Variants in REV3L observed in about 807,000 individuals in gnomAD.
REV3L encodes REV3 like, DNA directed polymerase zeta catalytic subunit.
REV3L carries 69 observed loss-of-function variants against 299.4 expected under a neutral mutation model. The ratio of observed to expected loss-of-function variants is 0.23; its 90% CI spans 0.19 to 0.28. The LOEUF is 0.28. Among genes scored for constraint, REV3L ranks in the 10% least tolerant of loss-of-function variants. The pLI is 1.00. For synonymous variants in REV3L, 1,238 were observed against 1,271.4 expected (o/e 0.97, Z 0.56); for missense variants, 3,128 against 3,693.8 (o/e 0.85, Z 3.97).
chr6:111,389,016 A>T (rs899112454), intron 7 of REV3L, 90 bp downstream of exon 7: 5 of 934,368 alleles, frequency 5.4e-6, no homozygotes, highest in Non-Finnish European at 8.4e-6. Flanking sequence ...TGAAAAGTAA[A>T]ATCTAATGTC....
upstream of REV3L, chr6:111,483,516 G>A (rs1450696311): frequency 3.8e-6 from 2 of 528,830 alleles, no homozygotes; most frequent in Admixed American, 2.4e-5. Flanking sequence ...GGCTCCGAGG[G>A]GCTTGCGGGA....
chr6:111,352,109 C>T lies in REV3L; in HGVS notation c.7185-318G>A, dbSNP rs150197326. 9.9e-5 allele frequency among the ~76,000 whole-genome samples: 15 copies of T among 151,878 alleles called. No individual in the cohort carries two copies. In the East Asian group the frequency reaches 2.9e-3, roughly 29 times the overall value. ...GCAACCTCTGCTTCCCAGGTTCAAA[C>T]GATTCTCCTGCCTCAGCCTCCTGAG... On this transcript the variant is annotated intron_variant, in intron 18 of 31. Transcript: ENST00000368802.
rs17751771 is a variant in REV3L, at chr6:111,474,231, C to A, written c.139+8519G>T. 9.8e-3 allele frequency among the ~76,000 whole-genome samples: 1,499 copies of A among 152,296 alleles called. 14 individuals carry two copies. The highest frequency in any genetic ancestry group is 0.017 in the Non-Finnish European group (1,137 of 68,036). On this transcript the variant is annotated intron_variant, in intron 1 of 31. Coordinates refer to ENST00000368802, the MANE Select transcript of REV3L (RefSeq NM_001372078.1). ...TTTATTTCTGACAAACATACATGCA[C>A]TATTAGGCAGTCACCTTGCAGAGCA... is the stretch of plus-strand genomic sequence containing the variant.
intron 1 of REV3L, among the ~76,000 whole-genome samples, chr6:111,469,470 T>C (rs901434827): frequency 1.5e-4 from 23 of 152,084 alleles, no homozygotes; most frequent in Non-Finnish European, 2.5e-4. Flanking sequence ...CCAGCAACAG[T>C]TGGATAATAG....
chr6:111,377,466 A>AC (rs1780429177), intron 12 of REV3L, among the ~76,000 whole-genome samples: 1 of 152,070 alleles, frequency 6.6e-6, no homozygotes. Context: ...CCTCCTGAGT[A>AC]GCTGGGACTA....
At position 111,374,395 on chromosome 6, in the gene REV3L, T is replaced by C. The variant is rs139710032; in HGVS notation, c.3960A>G (p.Pro1320=). The C allele has an allele frequency of 1.7e-4, 273 of 1,614,024 alleles. No individual in the cohort carries two copies. The highest frequency in any genetic ancestry group is 3.2e-4 in the Admixed American group (19 of 60,014). ...TFPSSRDDLH[P]SVVCNSIGPG... Reference sequence around the variant, plus strand: ...GTCCTATAGAATTACAAACAACTGATGGATGCAAATCATCTCGTGAACTGG... The same window carrying C: ...GTCCTATAGAATTACAAACAACTGACGGATGCAAATCATCTCGTGAACTGG... Residue 1320 remains proline, a synonymous_variant, in exon 13 of 32, where the codon CCA becomes CCG. Coordinates refer to ENST00000368802, the MANE Select transcript of REV3L (RefSeq NM_001372078.1).
chr6:111,338,311 C>CTTTTT lies in REV3L; in HGVS notation c.7539-2702_7539-2701insAAAAA, dbSNP rs1776115188. ...TTCTTTGTTTACTCCAGTCTAAAGT[C>CTTTTT]CTTTTTTTTTTTTTTTTTTTTTTTT... On this transcript the variant is annotated intron_variant, in intron 21 of 31. Transcript: ENST00000368802. Among the ~76,000 whole-genome samples the CTTTTT allele has an allele frequency of 2.4e-4, 12 of 49,034 alleles. 1 individual carries two copies. Among genetic ancestry groups the CTTTTT allele is most frequent in the South Asian group, 5.7e-4 (1 of 1,768 alleles). The allele number at this position is 49,034 out of a possible 152,430, so 32.2% of individuals were successfully genotyped here.
intron 1 of REV3L, among the ~76,000 whole-genome samples, chr6:111,481,513 A>G (rs1237869069): frequency 6.6e-6 from 1 of 152,248 alleles, no homozygotes; most frequent in Non-Finnish European, 1.5e-5. Flanking sequence ...TTTAACAAAG[A>G]GAATTCACAT....
chr6:111,425,628 C>CACAAACAG, intron 1 of REV3L, among the ~76,000 whole-genome samples: 1 of 151,938 alleles, frequency 6.6e-6, no homozygotes, highest in Admixed American at 6.5e-5. Flanking sequence ...TTATAAAACA[C>CACAAACAG]ACAAACAGGC....
At position 111,374,191 on chromosome 6, in the gene REV3L, A is replaced by G; in HGVS notation, c.4164T>C (p.Asn1388=). 1 of 1,614,028 alleles carries G rather than the reference A, an allele frequency of 6.2e-7. No homozygotes were observed. Among genetic ancestry groups the G allele is most frequent in the Non-Finnish European group, 8.5e-7 (1 of 1,179,940 alleles). ...TTGATGACAAATAGTTTCTTTGTATATTATTTGCATTATCTTCTATCTTTG... is the reference window on the plus strand; with the variant it reads ...TTGATGACAAATAGTTTCTTTGTATGTTATTTGCATTATCTTCTATCTTTG... ...MSSKIEDNAN[N]IQRNYLSSIG... is the part of the protein sequence containing the mutation. Residue 1388 remains asparagine (N), a synonymous_variant, in exon 13 of 32, where the codon AAT becomes AAC. Transcript: ENST00000368802.
At chr6:111,349,157 T>G in intron 20 of REV3L, 61 bp downstream of exon 20, 1 of 876,094 alleles carries the variant, frequency 1.1e-6, no homozygotes, top group Non-Finnish European at 1.9e-6. Context: ...TCTATAATGA[T>G]TAAATCATTA....
chr6:111,333,220 C>T lies in REV3L; in HGVS notation c.7828G>A (p.Val2610Ile), dbSNP rs1406901762. 4 of 1,614,126 alleles carry T rather than the reference C, an allele frequency of 2.5e-6. No individual in the cohort carries two copies. The highest frequency in any genetic ancestry group is 3.4e-6 in the Non-Finnish European group (4 of 1,180,014). ...EPESRFYSNS[V>I]LVLDFQSLYP... ...AGTGATTGGAAATCCAAAACGAGAA[C>T]AGAGTTGCTATAGAAGCGGGATTCA... is the stretch of plus-strand genomic sequence containing the variant. The change falls in exon 23 of 32, where the codon GTT (valine) becomes ATT (isoleucine). Residue 2610 changes from valine (V) to isoleucine (I), a missense_variant. Around this residue, in one of 9 missense-constraint regions of REV3L, gnomAD observed 149 missense variants for 286.4 expected, o/e 0.52. Transcript: ENST00000368802.
chr6:111,415,657 C>T (rs1398437675), intron 2 of REV3L, among the ~76,000 whole-genome samples: 1 of 152,112 alleles, frequency 6.6e-6, no homozygotes, highest in Non-Finnish European at 1.5e-5. Context: ...CTCTCCTTTA[C>T]TCTTCCACTC....
At chr6:111,429,657 G>T (rs1786625947) in intron 1 of REV3L, among the ~76,000 whole-genome samples, 2 of 152,148 alleles carry the variant, frequency 1.3e-5, no homozygotes, top group African/African-American at 4.8e-5. Flanking sequence ...CAAAATGTGG[G>T]GGGCGGGGTG....
chr6:111,395,372 G>A (rs1301521674), intron 4 of REV3L, among the ~76,000 whole-genome samples: 1 of 152,062 alleles, frequency 6.6e-6, no homozygotes, highest in Non-Finnish European at 1.5e-5. Flanking sequence ...TATTTCCACT[G>A]TCTACTTCAG....
At chr6:111,460,479 CA>C (rs1412215189) in intron 1 of REV3L, 8 of 151,788 alleles carry the variant, frequency 5.3e-5, no homozygotes, top group Admixed American at 2.0e-4. Flanking sequence ...ATATAACAAA[CA>C]GTAGAGTGAC....
intron 11 of REV3L, 111 bp downstream of exon 11, chr6:111,379,871 A>C (rs1335317058): frequency 2.7e-6 from 2 of 733,612 alleles, no homozygotes; most frequent in Non-Finnish European, 2.3e-6. Flanking sequence ...TTAAAACATC[A>C]ATTTAGTTCA....
rs1385690536 is a variant in REV3L at position 111,311,278 on chromosome 6, T to C, written c.8605-19A>G. 1.0e-5 allele frequency: 16 copies of C among 1,566,966 alleles called. No homozygotes were observed. Among genetic ancestry groups the C allele is most frequent in the East Asian group, 2.3e-5 (1 of 44,326 alleles). The stretch of plus-strand genomic sequence containing the variant: ...CAAGTATCTTAAAACAAAAAAGATA[T>C]GCAAGTAAAGATAAAATATCTCCTA... On this transcript the variant is annotated intron_variant, in intron 28 of 31. Coordinates refer to ENST00000368802, the MANE Select transcript of REV3L (RefSeq NM_001372078.1).
chr6:111,347,013 T>C (rs1276534912), intron 20 of REV3L, among the ~76,000 whole-genome samples: 1 of 152,140 alleles, frequency 6.6e-6, no homozygotes, highest in Non-Finnish European at 1.5e-5. Context: ...CTCACACCTG[T>C]AGTCCCAGCA....
Sources: gnomAD v4.1 joint callset for allele counts (sites outside exome capture counted in the v4.1 genomes callset) on GRCh38, gnomAD v4.1.1 for gene constraint, gnomAD v4.1.1 regional missense constraint, MANE v1.5 for transcripts, NCBI Gene and HGNC (gene_info 2026-07-23, HGNC 2026-07-21) for gene names.